The following MIB1 variants were observed in gnomAD, a reference collection of about 807,000 sequenced individuals.
MIB1 encodes the protein MIB E3 ubiquitin protein ligase 1, also known as E3 ubiquitin-protein ligase MIB1.
MIB1 carries 278 observed loss-of-function variants against 124.5 expected under a neutral mutation model. The ratio of observed to expected loss-of-function variants is 2.23; its 90% confidence interval spans 2.02 to 2.47. The LOEUF (loss-of-function observed/expected upper bound fraction) is 2.47. Among genes scored for constraint, MIB1 ranks in the 30% most tolerant of loss-of-function variants. The pLI is 0.00. For missense variants in MIB1, 957 were observed against 1,254.4 expected (o/e 0.76, Z 3.58); for synonymous variants, 446 against 429.4 (o/e 1.04, Z -0.48).
At chr18:21,779,815 C>A (rs941994395) in intron 6 of MIB1, 130 bp downstream of exon 6, 7 of 705,406 alleles carry the variant, frequency 9.9e-6, no homozygotes, top group Middle Eastern at 4.0e-4. Context: ...AGTAAAAATC[C>A]AGAATATATA....
chr18:21,836,084 T>C (rs994389416), intron 12 of MIB1, among the ~76,000 whole-genome samples: 1 of 151,046 alleles, frequency 6.6e-6, no homozygotes, highest in African/African-American at 2.4e-5. Context: ...AAACCCCGCC[T>C]CTACAAAAAA....
chr18:21,751,872 TA>T (rs2040979016), intron 1 of MIB1, among the ~76,000 whole-genome samples: 1 of 152,226 alleles, frequency 6.6e-6, no homozygotes, highest in Admixed American at 6.5e-5. Flanking sequence ...TTCTAGCATT[TA>T]ATGTTGGATA....
At chr18:21,840,532 T>TA in intron 13 of MIB1, among the ~76,000 whole-genome samples, 1 of 151,874 alleles carries the variant, frequency 6.6e-6, no homozygotes, top group East Asian at 1.9e-4. Context: ...CTCATGCCTG[T>TA]AATCCCAGCA....
intron 20 of MIB1, among the ~76,000 whole-genome samples, chr18:21,859,392 C>CAAAAAAA (rs55876332): frequency 8.2e-6 from 1 of 122,054 alleles, no homozygotes. Context: ...GACCCCATCT[C>CAAAAAAA]AAAAAAAAAA....
chr18:21,800,247 AT>A lies in MIB1; in HGVS notation c.1371+283del, dbSNP rs200959163. ...TAGTATCCTTTTGGGAAATTCAGCG[AT>A]TTTTTTTTTCCTCATGTAAACATCA... On this transcript the variant is annotated intron_variant, in intron 9 of 20. Transcript: ENST00000261537. 0.01 allele frequency among the ~76,000 whole-genome samples: 1,520 copies of A among 149,924 alleles called. 24 individuals are homozygous for A. The highest frequency in any genetic ancestry group is 0.032 in the African/African-American group (1,302 of 40,934).
chr18:21,833,203 A>G (rs184797849), intron 12 of MIB1, among the ~76,000 whole-genome samples: 12 of 152,300 alleles, frequency 7.9e-5, no homozygotes, highest in Middle Eastern at 3.4e-3. Context: ...GAGTTAGGAA[A>G]TTATTCCTCT....
intron 6 of MIB1, among the ~76,000 whole-genome samples, chr18:21,785,359 A>G (rs141560090): frequency 4.6e-5 from 7 of 151,962 alleles, no homozygotes; most frequent in Non-Finnish European, 1.0e-4. Context: ...TTTTATTTCT[A>G]TGATCTCTCG....
At chr18:21,807,594 C>T (rs544186645) in intron 10 of MIB1, among the ~76,000 whole-genome samples, 11 of 152,164 alleles carry the variant, frequency 7.2e-5, no homozygotes, top group East Asian at 5.8e-4. Flanking sequence ...TGGAAATGTC[C>T]GGAGGCATTT....
chr18:21,811,404 G>C lies in MIB1; in HGVS notation c.1480-4212G>C, dbSNP rs2041771879. Among the ~76,000 whole-genome samples, 3 of 152,156 alleles carry C rather than the reference G, an allele frequency of 2.0e-5. No individual in the cohort carries two copies. The South Asian group carries it at 6.2e-4, about 31-fold the overall frequency. ...AAGATTGGAAAGGAAGTCTTGAGGA[G>C]GTATTTGTTCACCTGTGTTTTTAGC... On this transcript the variant is annotated intron_variant, in intron 10 of 20. Transcript: ENST00000261537.
chr18:21,825,990 G>T, intron 12 of MIB1: 1 of 286,524 alleles, frequency 3.5e-6, no homozygotes, highest in Non-Finnish European at 6.9e-6. Context: ...ACTGCATTAA[G>T]GAATGATCAA....
At chr18:21,748,989 ACCT>A (rs1458550928) in intron 1 of MIB1, among the ~76,000 whole-genome samples, 1 of 151,732 alleles carries the variant, frequency 6.6e-6, no homozygotes, top group African/African-American at 2.4e-5. Flanking sequence ...TGATCCTTCA[ACCT>A]CAGCATCCCA....
At chr18:21,843,505 A>G (rs2042109546) in intron 14 of MIB1, among the ~76,000 whole-genome samples, 1 of 152,242 alleles carries the variant, frequency 6.6e-6, no homozygotes, top group Non-Finnish European at 1.5e-5. Context: ...TAATAAACTT[A>G]TATTTACTGC....
intron 1 of MIB1, among the ~76,000 whole-genome samples, chr18:21,731,317 G>A (rs186629276): frequency 3.0e-4 from 45 of 152,218 alleles, no homozygotes; most frequent in African/African-American, 1.1e-3. Context: ...CCAGGCTGTT[G>A]CATGTTTCAA....
intron 12 of MIB1, among the ~76,000 whole-genome samples, chr18:21,837,500 TCC>T (rs2042044815): frequency 1.3e-5 from 2 of 152,218 alleles, no homozygotes; most frequent in African/African-American, 4.8e-5. Context: ...AGAGCGAGAC[TCC>T]GTCTCAGGAA....
intron 20 of MIB1, among the ~76,000 whole-genome samples, chr18:21,858,968 A>G (rs1333727570): frequency 6.6e-6 from 1 of 152,250 alleles, no homozygotes. Context: ...TGTTAGGCAG[A>G]ATATGTAGCA....
At position 21,801,833 on chromosome 18, in the gene MIB1, A is replaced by T. The variant is rs79524834; in HGVS notation, c.1371+1859A>T. On this transcript the variant is annotated intron_variant, in intron 9 of 20. Transcript: ENST00000261537. The stretch of plus-strand genomic sequence containing the variant: ...AGGCCTTCTGATAATCTCCGTCTGA[A>T]CAGGGTCCTCTGCACTGGATGCCCA... Among the ~76,000 whole-genome samples, 662 of 152,226 alleles carry T rather than the reference A, an allele frequency of 4.3e-3. 3 individuals carry two copies. The highest frequency in any genetic ancestry group is 0.015 in the African/African-American group (634 of 41,554).
chr18:21,823,596 G>A (rs1406160414), intron 12 of MIB1, among the ~76,000 whole-genome samples: 1 of 152,104 alleles, frequency 6.6e-6, no homozygotes, highest in Non-Finnish European at 1.5e-5. Flanking sequence ...GATAGTAACT[G>A]AAACACATTA....
rs756519425 is a variant in MIB1, at chr18:21,849,265, G to A, written c.2463G>A (p.Val821=). The A allele has an allele frequency of 3.7e-6, 6 of 1,612,706 alleles. No homozygotes were observed. The highest frequency in any genetic ancestry group is 5.1e-6 in the Non-Finnish European group (6 of 1,179,230). The change falls in exon 17 of 21, where the codon GTG becomes GTA. Residue 821 remains valine, a synonymous_variant. Coordinates refer to ENST00000261537, the MANE Select transcript of MIB1 (RefSeq NM_020774.4). The part of the protein sequence containing the change: ...NDSETLEECM[V]CSDMKRDTLF... ...CTGAAACCTTAGAAGAGTGTATGGTGTGCTCAGATATGAAGAGAGATACTC... is the reference window on the plus strand; with the variant it reads ...CTGAAACCTTAGAAGAGTGTATGGTATGCTCAGATATGAAGAGAGATACTC...
chr18:21,815,947 G>T, intron 11 of MIB1, 134 bp downstream of exon 11: 2 of 787,968 alleles, frequency 2.5e-6, no homozygotes, highest in South Asian at 2.4e-5. Context: ...GGCGTAAGAT[G>T]TTACAAAATT....
Sources: gnomAD v4.1 joint callset for allele counts (sites outside exome capture counted in the v4.1 genomes callset) on GRCh38, gnomAD v4.1.1 for gene constraint, MANE v1.5 for transcripts, NCBI Gene and HGNC (gene_info 2026-07-23, HGNC 2026-07-21) for gene names.